Variants in ARL15 observed in about 807,000 individuals in gnomAD.
ARL15 encodes the protein ADP-ribosylation factor-like protein 15.
In ARL15, 19 loss-of-function variants were observed where a neutral mutation model predicts 25.2. The observed-to-expected ratio is 0.75, with a 90% confidence interval of 0.53 to 1.10. ARL15 has a LOEUF of 1.10. ARL15 is among the 50% of genes least tolerant of loss of function. The pLI, the probability that ARL15 is intolerant of heterozygous loss-of-function variation, is 0.00. For synonymous variants in ARL15, 94 were observed against 86.8 expected (o/e 1.08, Z -0.46); for missense variants, 220 against 246.0 (o/e 0.89, Z 0.71).
intron 4 of ARL15, among the ~76,000 whole-genome samples, chr5:54,085,214 A>G (rs1751928769): frequency 6.6e-6 from 1 of 152,228 alleles, no homozygotes; most frequent in African/African-American, 2.4e-5. Context: ...CAGAATGCTT[A>G]GCAAACTACT....
chr5:54,197,100 T>C (rs1379429419), intron 1 of ARL15, among the ~76,000 whole-genome samples: 1 of 152,120 alleles, frequency 6.6e-6, no homozygotes. Context: ...TCCTTTCATA[T>C]TGGTGGTATT....
chr5:54,080,316 G>A (rs189546557), intron 4 of ARL15, among the ~76,000 whole-genome samples: 64 of 152,330 alleles, frequency 4.2e-4, no homozygotes, highest in African/African-American at 1.4e-3. Context: ...TCGCTGCTAC[G>A]CACATAATTC....
At chr5:53,923,407 T>C (rs1223186160) in intron 4 of ARL15, among the ~76,000 whole-genome samples, 5 of 152,168 alleles carry the variant, frequency 3.3e-5, no homozygotes, top group Admixed American at 3.3e-4. Flanking sequence ...TGCCTCCTTG[T>C]CGGTGAAGGG....
intron 4 of ARL15, among the ~76,000 whole-genome samples, chr5:54,071,169 C>CA (rs71598898): frequency 0.048 from 6,586 of 137,778 alleles, 187 homozygotes; most frequent in Non-Finnish European, 0.069. Flanking sequence ...GACCCTGTCT[C>CA]AAAAAAAAAA....
intron 1 of ARL15, among the ~76,000 whole-genome samples, chr5:54,196,671 T>C (rs1579899345): frequency 6.6e-6 from 1 of 152,240 alleles, no homozygotes; most frequent in South Asian, 2.1e-4. Context: ...AAACTTTTGG[T>C]TGTTATTTGA....
chr5:54,029,372 C>CACCACT (rs1287975473), intron 4 of ARL15, among the ~76,000 whole-genome samples: 15 of 138,608 alleles, frequency 1.1e-4, no homozygotes, highest in African/African-American at 1.4e-4. Flanking sequence ...CCACCACCAC[C>CACCACT]ACCACTACAC....
chr5:54,252,899 A>C (rs144490157), intron 1 of ARL15, among the ~76,000 whole-genome samples: 1 of 151,806 alleles, frequency 6.6e-6, no homozygotes, highest in African/African-American at 2.4e-5. Flanking sequence ...AATGTTTTTT[A>C]TTTTTTGTAG....
intron 4 of ARL15, among the ~76,000 whole-genome samples, chr5:53,971,877 C>A (rs2112184599): frequency 1.3e-5 from 2 of 152,192 alleles, no homozygotes; most frequent in South Asian, 4.1e-4. Flanking sequence ...GTTTGCTTCT[C>A]AACAATTGCA....
chr5:53,963,575 A>G (rs1183900232), intron 4 of ARL15, among the ~76,000 whole-genome samples: 4 of 152,224 alleles, frequency 2.6e-5, no homozygotes, highest in African/African-American at 9.6e-5. Context: ...TGGGAGGCCA[A>G]GACGGGTGCA....
rs185565929 is a variant in ARL15 at position 54,015,121 on chromosome 5, C to T, written c.462+98081G>A. Among the ~76,000 whole-genome samples the T allele has an allele frequency of 6.4e-3, 965 of 151,686 alleles. 10 individuals are homozygous for T. The highest frequency in any genetic ancestry group is 0.022 in the African/African-American group (898 of 41,374). On this transcript the variant is annotated intron_variant, in intron 4 of 4. Coordinates refer to ENST00000504924, the MANE Select transcript of ARL15 (RefSeq NM_019087.3). ...CAGCCTGCCCAACATGGCAAAACCCCGTCTCTACTAAAAATACAAAAAACT... is the reference window on the plus strand; with the variant it reads ...CAGCCTGCCCAACATGGCAAAACCCTGTCTCTACTAAAAATACAAAAAACT...
rs541990074 is a variant in ARL15 at position 53,908,523 on chromosome 5, G to C, written c.463-21810C>G. ...AAATACTACACCATTTTCTTTCACTGACTCAGATTTTGTTATTTCAGAAAG... is the reference window on the plus strand; with the variant it reads ...AAATACTACACCATTTTCTTTCACTCACTCAGATTTTGTTATTTCAGAAAG... On this transcript the variant is annotated intron_variant, in intron 4 of 4. Coordinates refer to ENST00000504924, the MANE Select transcript of ARL15 (RefSeq NM_019087.3). 1.7e-4 allele frequency among the ~76,000 whole-genome samples: 26 copies of C among 152,260 alleles called. No individual in the cohort carries two copies. In the South Asian group the frequency reaches 5.2e-3, roughly 30 times the overall value.
At chr5:54,189,083 G>C (rs1755324275) in intron 1 of ARL15, among the ~76,000 whole-genome samples, 1 of 152,050 alleles carries the variant, frequency 6.6e-6, no homozygotes, top group East Asian at 1.9e-4. Flanking sequence ...GCACGTAAAA[G>C]AATAAGACAC....
intron 1 of ARL15, among the ~76,000 whole-genome samples, chr5:54,249,336 G>A (rs1031716060): frequency 4.6e-5 from 7 of 152,154 alleles, no homozygotes; most frequent in Middle Eastern, 3.2e-3. Flanking sequence ...AAGTCCATCA[G>A]TAAAGAGAAG....
intron 4 of ARL15, among the ~76,000 whole-genome samples, chr5:53,939,165 G>A (rs1202022434): frequency 6.6e-6 from 1 of 152,110 alleles, no homozygotes; most frequent in Non-Finnish European, 1.5e-5. Flanking sequence ...TGAGTTCAAA[G>A]GCACTCTGGA....
chr5:54,016,277 C>T (rs573396385), intron 4 of ARL15, among the ~76,000 whole-genome samples: 2 of 152,190 alleles, frequency 1.3e-5, no homozygotes, highest in Admixed American at 6.5e-5. Context: ...TTGTCGTTCC[C>T]TGTCAAGTAA....
intron 1 of ARL15, among the ~76,000 whole-genome samples, chr5:54,185,521 A>G (rs1023984858): frequency 6.6e-6 from 1 of 152,182 alleles, no homozygotes; most frequent in Non-Finnish European, 1.5e-5. Context: ...CAACTTTGGA[A>G]CATGAGTGTC....
At chr5:53,911,678 C>T (rs1745469587) in intron 4 of ARL15, among the ~76,000 whole-genome samples, 2 of 151,982 alleles carry the variant, frequency 1.3e-5, no homozygotes, top group African/African-American at 4.8e-5. Context: ...TCTTTTATCC[C>T]TCGCCACCCA....
intron 3 of ARL15, among the ~76,000 whole-genome samples, chr5:54,118,983 T>G (rs1268871230): frequency 6.6e-6 from 1 of 152,150 alleles, no homozygotes; most frequent in Admixed American, 6.5e-5. Flanking sequence ...CAAACACAAT[T>G]TTACATCATT....
intron 3 of ARL15, among the ~76,000 whole-genome samples, chr5:54,141,557 A>G (rs1290617089): frequency 1.3e-5 from 2 of 152,216 alleles, no homozygotes; most frequent in Non-Finnish European, 2.9e-5. Flanking sequence ...TAACTGACAC[A>G]CAATAAACTG....
Sources: gnomAD v4.1 joint callset for allele counts (sites outside exome capture counted in the v4.1 genomes callset) on GRCh38, gnomAD v4.1.1 for gene constraint, MANE v1.5 for transcripts, NCBI Gene and HGNC (gene_info 2026-07-23, HGNC 2026-07-21) for gene names.